Variants in ZNF385D observed in about 807,000 individuals in gnomAD.
ZNF385D encodes the protein zinc finger protein 385D.
A neutral mutation model predicts 35.8 loss-of-function variants in ZNF385D; 15 were observed. That is an observed-to-expected ratio of 0.42 (90% CI 0.28 to 0.64). ZNF385D has a LOEUF of 0.64. Among genes scored for constraint, ZNF385D ranks in the 30% least tolerant of loss-of-function variants. ZNF385D has a pLI of 0.23. For missense variants in ZNF385D, 474 were observed against 494.6 expected, an observed-to-expected ratio of 0.96 and a Z score of 0.39; for synonymous variants, 212 against 186.8, an observed-to-expected ratio of 1.13 and a Z score of -1.10.
intron 3 of ZNF385D, among the ~76,000 whole-genome samples, chr3:22,040,778 A>T (rs1318715107): frequency 1.3e-5 from 2 of 152,188 alleles, no homozygotes; most frequent in African/African-American, 4.8e-5. Context: ...TAGAATCAGA[A>T]TTTCAAATAC....
At chr3:21,708,293 A>C (rs1187107398) in intron 1 of ZNF385D, among the ~76,000 whole-genome samples, 1 of 152,230 alleles carries the variant, frequency 6.6e-6, no homozygotes, top group Admixed American at 6.5e-5. Flanking sequence ...GGAACTCTGC[A>C]AGCAGTATTT....
chr3:22,349,907 T>C (rs955802578), intron 2 of ZNF385D, among the ~76,000 whole-genome samples: 3 of 152,130 alleles, frequency 2.0e-5, no homozygotes, highest in Non-Finnish European at 4.4e-5. Context: ...ATGTAACCAC[T>C]CATGAAGTTG....
chr3:21,449,196 C>A (rs377682570), intron 4 of ZNF385D, among the ~76,000 whole-genome samples: 1 of 151,562 alleles, frequency 6.6e-6, no homozygotes, highest in African/African-American at 2.4e-5. Context: ...AAGAATTAAT[C>A]TCAAAATAAA....
At chr3:21,847,098 G>C (rs906906525) in intron 3 of ZNF385D, among the ~76,000 whole-genome samples, 1 of 151,998 alleles carries the variant, frequency 6.6e-6, no homozygotes, top group Non-Finnish European at 1.5e-5. Context: ...TCCCCTACCA[G>C]CTGTCAAAGA....
intron 3 of ZNF385D, among the ~76,000 whole-genome samples, chr3:22,036,760 G>A (rs1446356192): frequency 6.9e-6 from 1 of 145,966 alleles, no homozygotes; most frequent in African/African-American, 2.6e-5. Context: ...TGTGCACAAC[G>A]TGCAAGTTTG....
intron 3 of ZNF385D, among the ~76,000 whole-genome samples, chr3:22,013,933 T>G (rs1166305465): frequency 6.6e-6 from 1 of 152,064 alleles, no homozygotes; most frequent in Non-Finnish European, 1.5e-5. Flanking sequence ...GTTAAGACCC[T>G]TCATCAACTG....
intron 2 of ZNF385D, among the ~76,000 whole-genome samples, chr3:22,182,875 G>A (rs1695377051): frequency 6.6e-6 from 1 of 151,910 alleles, no homozygotes; most frequent in Non-Finnish European, 1.5e-5. Flanking sequence ...GGAGACTTTA[G>A]TAAATGTTTT....
intron 2 of ZNF385D, among the ~76,000 whole-genome samples, chr3:22,354,029 T>C (rs192729886): frequency 6.6e-6 from 1 of 151,316 alleles, no homozygotes; most frequent in African/African-American, 2.4e-5. Flanking sequence ...TTTCTTGCAT[T>C]ATCTTCTTTT....
intron 2 of ZNF385D, among the ~76,000 whole-genome samples, chr3:22,223,463 T>G (rs778531308): frequency 2.6e-5 from 4 of 152,118 alleles, no homozygotes; most frequent in Non-Finnish European, 5.9e-5. Flanking sequence ...TGAACACTAT[T>G]TTTTCTGGGC....
chr3:21,441,055 A>T (rs1287447841), intron 4 of ZNF385D, among the ~76,000 whole-genome samples: 2 of 152,148 alleles, frequency 1.3e-5, no homozygotes, highest in Admixed American at 6.6e-5. Context: ...GTCCCAAGCC[A>T]CTGGGGATAA....
chr3:22,348,742 A>G (rs1695780855), intron 2 of ZNF385D, among the ~76,000 whole-genome samples: 1 of 152,090 alleles, frequency 6.6e-6, no homozygotes, highest in African/African-American at 2.4e-5. Flanking sequence ...TTATAGGGGA[A>G]TATCATGTGA....
chr3:21,720,755 T>C (rs1179279277), intron 1 of ZNF385D, among the ~76,000 whole-genome samples: 15 of 152,340 alleles, frequency 9.8e-5, no homozygotes, highest in East Asian at 1.9e-4. Context: ...ATATTTCTGA[T>C]TGGCTATGTT....
intron 3 of ZNF385D, among the ~76,000 whole-genome samples, chr3:22,072,586 T>C (rs368694338): frequency 2.6e-5 from 4 of 152,088 alleles, no homozygotes; most frequent in African/African-American, 9.6e-5. Context: ...TTTTCAAATT[T>C]AAGGTATATT....
intron 2 of ZNF385D, among the ~76,000 whole-genome samples, chr3:21,661,831 T>G (rs1263436557): frequency 6.6e-6 from 1 of 152,278 alleles, no homozygotes; most frequent in East Asian, 1.9e-4. Context: ...CTTCCCCTCC[T>G]AACTATGCTT....
intron 3 of ZNF385D, among the ~76,000 whole-genome samples, chr3:21,834,467 C>G (rs980368929): frequency 6.6e-6 from 1 of 152,108 alleles, no homozygotes; most frequent in Non-Finnish European, 1.5e-5. Context: ...AGGAAGAATC[C>G]TACAGCTCTG....
chr3:22,311,344 T>G (rs932391530), intron 2 of ZNF385D, among the ~76,000 whole-genome samples: 1 of 152,056 alleles, frequency 6.6e-6, no homozygotes, highest in Non-Finnish European at 1.5e-5. Context: ...CTCCTTGACA[T>G]GGAATGCTTA....
At chr3:21,975,566 A>G (rs981375151) in intron 3 of ZNF385D, among the ~76,000 whole-genome samples, 12 of 152,050 alleles carry the variant, frequency 7.9e-5, no homozygotes, top group Non-Finnish European at 1.5e-4. Flanking sequence ...TTGTAACACA[A>G]AGAAAGGATA....
chr3:22,236,906 T>C lies in ZNF385D; in HGVS notation c.107-67871A>G, dbSNP rs1250706221. Among the ~76,000 whole-genome samples the C allele has an allele frequency of 2.0e-5, 3 of 152,218 alleles. No homozygotes were observed. The East Asian group carries it at 5.8e-4, about 29-fold the overall frequency. ...TGAATAATATTCTATTGCATGAATATAGTACATTTTATTTATCTACATATT... is the reference window on the plus strand; with the variant it reads ...TGAATAATATTCTATTGCATGAATACAGTACATTTTATTTATCTACATATT... On this transcript the variant is annotated intron_variant, in intron 2 of 5. Transcript: ENST00000494108.
Position 21,789,527 on chromosome 3 carries a change from C to A in ZNF385D, c.326-124499G>T, listed in dbSNP as rs145230866. Among the ~76,000 whole-genome samples, 704 of 152,238 alleles carry A rather than the reference C, an allele frequency of 4.6e-3. 5 individuals are homozygous for A. The highest frequency in any genetic ancestry group is 0.015 in the African/African-American group (605 of 41,556). On this transcript the variant is annotated intron_variant, in intron 3 of 5. Transcript: ENST00000494108. Reference sequence around the variant, plus strand: ...ACACACACAGACACACACACATATACACATGTGTAAGCACACACACATATA... The same window carrying A: ...ACACACACAGACACACACACATATAAACATGTGTAAGCACACACACATATA...
Sources: gnomAD v4.1 joint callset for allele counts (sites outside exome capture counted in the v4.1 genomes callset) on GRCh38, gnomAD v4.1.1 for gene constraint, MANE v1.5 for transcripts, NCBI Gene and HGNC (gene_info 2026-07-23, HGNC 2026-07-21) for gene names.